The following TBC1D4 variants were observed in gnomAD, a reference collection of about 807,000 sequenced individuals.
TBC1D4 encodes the protein TBC1 domain family member 4, also known as TBC (Tre-2, BUB2, CDC16) domain-containing protein.
Under a neutral mutation model 142.5 loss-of-function variants are expected in TBC1D4, and 121 were observed. That is an observed-to-expected ratio of 0.85 (90% confidence interval 0.73 to 0.99). The LOEUF (loss-of-function observed/expected upper bound fraction) is 0.99, where lower values mean the gene tolerates loss of function less well. Among genes scored for constraint, TBC1D4 ranks in the 50% least tolerant of loss-of-function variants. TBC1D4 has a pLI of 0.00. For missense variants in TBC1D4, 1,475 were observed against 1,606.6 expected (o/e 0.92, Z 1.40); for synonymous variants, 630 against 628.2 (o/e 1.00, Z -0.04).
chr13:75,404,552 GT>G (rs2138365824), intron 1 of TBC1D4, among the ~76,000 whole-genome samples: 1 of 152,248 alleles, frequency 6.6e-6, no homozygotes, highest in Non-Finnish European at 1.5e-5. Flanking sequence ...TTTATCTGAT[GT>G]TTTTCTCATG....
intron 1 of TBC1D4, 70 bp downstream of exon 1, chr13:75,481,200 G>GCACC: frequency 1.6e-6 from 1 of 633,010 alleles, no homozygotes; most frequent in Non-Finnish European, 2.6e-6. Context: ...TGGGGTCCCC[G>GCACC]CCCCTCCCGC....
intron 16 of TBC1D4, among the ~76,000 whole-genome samples, chr13:75,301,423 C>T (rs913072895): frequency 2.0e-5 from 3 of 151,948 alleles, no homozygotes; most frequent in Admixed American, 6.6e-5. Context: ...GGGTGGATCA[C>T]GAGGTCAGGA....
At chr13:75,374,645 T>C (rs533098932) in intron 1 of TBC1D4, among the ~76,000 whole-genome samples, 3 of 152,290 alleles carry the variant, frequency 2.0e-5, no homozygotes, top group Admixed American at 2.0e-4. Flanking sequence ...TATAATGTGA[T>C]AATGGGGCCT....
In TBC1D4 at chr13:75,286,645, G is replaced by A. The variant is rs956104482; in HGVS notation, c.*147C>T. On this transcript the variant is annotated 3_prime_UTR_variant, in exon 21 of 21. Transcript: ENST00000377636. ...AGGATTGGCATGCTCTGATGAGCAC[G>A]AGGTCCACCTGCTGTGACTAGGCGC... 15 of 782,200 alleles carry A rather than the reference G, an allele frequency of 1.9e-5. No individual in the cohort carries two copies. Among genetic ancestry groups the A allele is most frequent in the African/African-American group, 5.2e-5 (3 of 57,582 alleles). 48.5% of individuals were successfully genotyped at this position (782,200 alleles called of 1,614,324 possible).
intron 1 of TBC1D4, among the ~76,000 whole-genome samples, chr13:75,452,371 A>G (rs1330428404): frequency 1.3e-5 from 2 of 152,224 alleles, no homozygotes; most frequent in Non-Finnish European, 2.9e-5. Context: ...GATATATGAC[A>G]TGAACATATC....
rs202064304 is a variant in TBC1D4 at position 75,306,402 on chromosome 13, T to A, written c.2663A>T (p.Glu888Val). The A allele has an allele frequency of 2.4e-5, 39 of 1,613,426 alleles. No individual in the cohort carries two copies. The highest frequency in any genetic ancestry group is 3.2e-5 in the Non-Finnish European group (38 of 1,179,900). The change falls in exon 15 of 21, where the codon GAG becomes GTG. Residue 888 changes from glutamate to valine, a missense_variant. Glu to Val is a moderately radical substitution (Grantham distance 121, BLOSUM62 -2). Around this residue, in one of 2 missense-constraint regions of TBC1D4, gnomAD observed 1,227 missense variants for 1,267.7 expected, o/e 0.97. Transcript: ENST00000377636. ...DYEEVGACQK[E>V]VLITWDKKLL... ...CTTCTTATCCCAAGTTATTAAGACC[T>A]CTTTCTGACATGCACCAACTTCTTC...
Position 75,401,158 on chromosome 13 carries a change from T to C in TBC1D4, c.499-38551A>G, listed in dbSNP as rs546654257. On this transcript the variant is annotated intron_variant, in intron 1 of 20. Coordinates refer to ENST00000377636, the MANE Select transcript of TBC1D4 (RefSeq NM_014832.5). ...GAGTCTGAAAACAAGGAAAATATTT[T>C]CAAAAAGGAAGTTCTACATACTCCC... 8.5e-5 allele frequency among the ~76,000 whole-genome samples: 13 copies of C among 152,276 alleles called. No homozygotes were observed. The East Asian group carries it at 2.5e-3, about 29-fold the overall frequency.
intron 13 of TBC1D4, among the ~76,000 whole-genome samples, chr13:75,311,853 G>C (rs927378642): frequency 6.6e-6 from 1 of 152,136 alleles, no homozygotes; most frequent in Admixed American, 6.5e-5. Flanking sequence ...AATGTTCCAA[G>C]TGTGCTAAAA....
chr13:75,372,755 G>C lies in TBC1D4; in HGVS notation c.499-10148C>G, dbSNP rs935159528. On this transcript the variant is annotated intron_variant, in intron 1 of 20. Coordinates refer to ENST00000377636, the MANE Select transcript of TBC1D4 (RefSeq NM_014832.5). Reference sequence around the variant, plus strand: ...ATTATTACTACTGCTCTCATCTTAGGCCCATAAAAAGTAAATTAACTAGAA... The same window carrying C: ...ATTATTACTACTGCTCTCATCTTAGCCCCATAAAAAGTAAATTAACTAGAA... 1.2e-4 allele frequency among the ~76,000 whole-genome samples: 18 copies of C among 152,086 alleles called. No homozygotes were observed. In the South Asian group the frequency reaches 2.7e-3, roughly 23 times the overall value.
chr13:75,433,887 G>A (rs1419569015), intron 1 of TBC1D4, among the ~76,000 whole-genome samples: 2 of 152,064 alleles, frequency 1.3e-5, no homozygotes, highest in African/African-American at 4.8e-5. Flanking sequence ...AGACATACAT[G>A]TGGCCAACAA....
intron 1 of TBC1D4, among the ~76,000 whole-genome samples, chr13:75,379,887 CTTTTT>C (rs750734086): frequency 7.1e-5 from 7 of 98,646 alleles, no homozygotes; most frequent in African/African-American, 2.4e-4. Context: ...TCATCTGACT[CTTTTT>C]TTTTTTTTTT....
At chr13:75,297,243 T>G (rs571642610) in intron 17 of TBC1D4, among the ~76,000 whole-genome samples, 2 of 152,352 alleles carry the variant, frequency 1.3e-5, no homozygotes, top group Admixed American at 1.3e-4. Flanking sequence ...TTTACATGAA[T>G]TTTTGTAATG....
chr13:75,459,430 C>T (rs548789335), intron 1 of TBC1D4, among the ~76,000 whole-genome samples: 1 of 152,324 alleles, frequency 6.6e-6, no homozygotes, highest in South Asian at 2.1e-4. Flanking sequence ...TTGGCCACCA[C>T]TACTTATTAA....
At chr13:75,376,565 A>G (rs1442484618) in intron 1 of TBC1D4, among the ~76,000 whole-genome samples, 1 of 152,026 alleles carries the variant, frequency 6.6e-6, no homozygotes, top group African/African-American at 2.4e-5. Context: ...TTTAGTAGAG[A>G]CGAGATGGGG....
rs753018292 is a variant in TBC1D4 at position 75,341,528 on chromosome 13, T to C, written c.1468A>G (p.Asn490Asp). 3.1e-6 allele frequency: 5 copies of C among 1,613,952 alleles called. No individual in the cohort carries two copies. The highest frequency in any genetic ancestry group is 4.2e-6 in the Non-Finnish European group (5 of 1,180,030). The change falls in exon 6 of 21, where the codon AAT becomes GAT. Residue 490 changes from asparagine (N) to aspartate (D), a missense_variant. By Grantham distance (23) the Asn-to-Asp change is conservative (BLOSUM62 1). Around this residue, in one of 2 missense-constraint regions of TBC1D4, gnomAD observed 1,227 missense variants for 1,267.7 expected, o/e 0.97. Transcript: ENST00000377636. Reference protein sequence around the residue: ...IQRHLSSLTDNEQADIFERVQ... With the variant: ...IQRHLSSLTDDEQADIFERVQ... ...CTTTCAAAGATGTCAGCTTGCTCAT[T>C]ATCTGTCAGTGATGAGAGATGCCTC...
rs575704351 is a variant in TBC1D4, at chr13:75,297,119, C to T, written c.3157-2106G>A. ...TCCCAGAATAAGGTCCCCAATACTG[C>T]GGCCTACAGCAATGCTGTCACCAAA... On this transcript the variant is annotated intron_variant, in intron 17 of 20. Coordinates refer to ENST00000377636, the MANE Select transcript of TBC1D4 (RefSeq NM_014832.5). Among the ~76,000 whole-genome samples the T allele has an allele frequency of 1.8e-4, 27 of 152,298 alleles. No homozygotes were observed. The South Asian group carries it at 5.2e-3, about 29-fold the overall frequency.
At chr13:75,299,265 T>A (rs1876265189) in intron 17 of TBC1D4, 65 bp downstream of exon 17, 9 of 1,609,534 alleles carry the variant, frequency 5.6e-6, no homozygotes, top group East Asian at 2.2e-5. Context: ...CTGTAATAAT[T>A]GAGAAGAGGG....
intron 5 of TBC1D4, among the ~76,000 whole-genome samples, chr13:75,342,802 AT>A (rs1880818964): frequency 6.6e-6 from 1 of 151,832 alleles, no homozygotes; most frequent in African/African-American, 2.4e-5. Context: ...TTGCTACTAT[AT>A]TTTGATTATG....
At chr13:75,293,023 C>A (rs1273395345) in intron 18 of TBC1D4, among the ~76,000 whole-genome samples, 1 of 152,068 alleles carries the variant, frequency 6.6e-6, no homozygotes, top group Non-Finnish European at 1.5e-5. Context: ...AGTGTGGTGG[C>A]ACATGCCTGT....
Sources: allele counts gnomAD v4.1 joint callset (sites outside exome capture counted in the v4.1 genomes callset), GRCh38; gene constraint gnomAD v4.1.1; regional missense constraint gnomAD v4.1.1; transcripts MANE v1.5; gene names NCBI Gene and HGNC (gene_info 2026-07-23, HGNC 2026-07-21).